Variants in STAG2 observed in about 807,000 individuals in gnomAD.
STAG2 encodes the protein cohesin subunit SA-2.
In STAG2, 14 loss-of-function variants were observed where a neutral mutation model predicts 108.1. The observed-to-expected ratio is 0.13, with a 90% CI of 0.09 to 0.20. STAG2 has a LOEUF of 0.20. STAG2 is among the 10% of genes least tolerant of loss of function. The pLI is 1.00. For synonymous variants in STAG2, 307 were observed against 302.7 expected (o/e 1.01, Z -0.15); for missense variants, 440 against 940.9 (o/e 0.47, Z 6.96).
intron 1 of STAG2, among the ~76,000 whole-genome samples, chrX:123,970,834 T>C (rs924689235): frequency 2.7e-5 from 3 of 111,997 alleles, no homozygotes; most frequent in African/African-American, 9.7e-5. Flanking sequence ...ATGCTTTGTG[T>C]GTATTAGCTT....
chrX:124,086,075 C>G (rs1040184638), intron 29 of STAG2, among the ~76,000 whole-genome samples: 3 of 110,524 alleles, frequency 2.7e-5, no homozygotes, highest in African/African-American at 9.9e-5. Flanking sequence ...TTCTTAATTT[C>G]AATTATCCTT....
At chrX:123,999,935 T>A (rs80201163) in intron 1 of STAG2, among the ~76,000 whole-genome samples, 20,992 of 106,631 alleles carry the variant, frequency 0.2, 2,095 homozygotes, top group Non-Finnish European at 0.28. Context: ...TTTTTTTTAT[T>A]TTTTGTAGCG....
rs187227226 is a variant in STAG2, at chrX:123,981,019, T to C, written c.-163+19163T>C. Among the ~76,000 whole-genome samples the C allele has an allele frequency of 3.6e-5, 4 of 111,811 alleles. No individual in the cohort carries two copies. In the East Asian group the frequency reaches 8.3e-4, roughly 23 times the overall value. ...GAAATAATGCTGGAGATGAGTATCT[T>C]ATAAAAATCACTTCATTTTTCTGCT... On this transcript the variant is annotated intron_variant, in intron 1 of 34. Coordinates refer to ENST00000371145, the MANE Select transcript of STAG2 (RefSeq NM_001042750.2).
intron 16 of STAG2, 92 bp downstream of exon 16, chrX:124,061,433 A>T: frequency 1.5e-6 from 1 of 648,299 alleles, no homozygotes; most frequent in South Asian, 3.0e-5. Flanking sequence ...GTTTTAAGAC[A>T]ATTTGATAGA....
intron 1 of STAG2, among the ~76,000 whole-genome samples, chrX:123,966,845 A>G (rs1261018064): frequency 1.8e-5 from 2 of 112,005 alleles, no homozygotes; most frequent in Non-Finnish European, 3.8e-5. Flanking sequence ...GTAGACACCA[A>G]GAAGTCTTTA....
At chrX:124,088,112 A>G (rs1170006877) in intron 30 of STAG2, among the ~76,000 whole-genome samples, 2 of 111,769 alleles carry the variant, frequency 1.8e-5, no homozygotes, top group Non-Finnish European at 3.8e-5. Context: ...TAAATTTTTG[A>G]AAGTTTTTAT....
chrX:124,024,994 A>G (rs913943501), intron 3 of STAG2, among the ~76,000 whole-genome samples: 1 of 111,886 alleles, frequency 8.9e-6, no homozygotes, highest in Admixed American at 9.5e-5. Flanking sequence ...AAAGCATCAC[A>G]CATATTTATT....
rs907474703 is a variant in STAG2, at chrX:124,061,812, C to G, written c.1576C>G (p.Leu526Val). 8 of 1,077,908 alleles carry G rather than the reference C, an allele frequency of 7.4e-6. No individual in the cohort carries two copies. Among genetic ancestry groups the G allele is most frequent in the South Asian group, 5.7e-5 (3 of 52,418 alleles). The allele number at this position is 1,077,908 out of a possible 1,213,427, so 88.8% of individuals were successfully genotyped here. Residue 526 changes from leucine to valine, a missense_variant, in exon 17 of 35, where the codon CTT becomes GTT. Leu to Val is a conservative substitution (Grantham distance 32). This residue lies in a region of STAG2 where 337 missense variants were observed against 649.3 expected (regional missense o/e 0.52). Coordinates refer to ENST00000371145, the MANE Select transcript of STAG2 (RefSeq NM_001042750.2). ...RQESALIEIM[L>V]CTIRQAAECH... ...AGAGAGTGCTCTGATTGAAATAATG[C>G]TTTGTACCATTAGACAAGCGGCTGA...
intron 3 of STAG2, among the ~76,000 whole-genome samples, chrX:124,023,806 A>T (rs1022647980): frequency 1.8e-5 from 2 of 111,499 alleles, no homozygotes; most frequent in Non-Finnish European, 3.8e-5. Context: ...AATAATGAGG[A>T]CCTGAAATAG....
At chrX:123,972,886 A>G (rs1345233359) in intron 1 of STAG2, among the ~76,000 whole-genome samples, 1 of 99,019 alleles carries the variant, frequency 1.0e-5, no homozygotes, top group Non-Finnish European at 2.0e-5. Flanking sequence ...AAAAAAAAAA[A>G]AAAAAGAACC....
At chrX:124,025,187 T>A (rs190349904) in intron 3 of STAG2, among the ~76,000 whole-genome samples, 47 of 111,558 alleles carry the variant, frequency 4.2e-4, no homozygotes, top group Admixed American at 1.7e-3. Flanking sequence ...ATTGAGATTG[T>A]CACTTGTATA....
chrX:124,012,900 T>C (rs2056567682), intron 1 of STAG2, among the ~76,000 whole-genome samples: 1 of 111,699 alleles, frequency 9.0e-6, no homozygotes, highest in African/African-American at 3.3e-5. Context: ...CTACCTTGAG[T>C]AAATAAATGT....
rs1258487477 is a variant in STAG2 at position 124,006,261 on chromosome X, CA to C, written c.-162-15105del. On this transcript the variant is annotated intron_variant, in intron 1 of 34. Coordinates refer to ENST00000371145, the MANE Select transcript of STAG2 (RefSeq NM_001042750.2). ...ATGTTTTTACGTAGACATAGGTTTT[CA>C]TTTCTCTGGGATAAATGCTCAGGTG... Among the ~76,000 whole-genome samples the C allele has an allele frequency of 2.7e-5, 3 of 110,711 alleles. No individual in the cohort carries two copies. The East Asian group carries it at 8.5e-4, about 31-fold the overall frequency.
chrX:124,075,942 G>A (rs2058791685), intron 25 of STAG2, among the ~76,000 whole-genome samples: 1 of 111,471 alleles, frequency 9.0e-6, no homozygotes. Context: ...AGGTAAGGTG[G>A]GATCATCCTT....
At chrX:123,999,616 T>C (rs887163318) in intron 1 of STAG2, among the ~76,000 whole-genome samples, 7 of 110,658 alleles carry the variant, frequency 6.3e-5, no homozygotes, top group African/African-American at 2.0e-4. Flanking sequence ...GCCTAATTTT[T>C]TTGTTTGTTT....
At chrX:124,039,472 G>A (rs903946016) in intron 6 of STAG2, among the ~76,000 whole-genome samples, 1 of 109,718 alleles carries the variant, frequency 9.1e-6, no homozygotes, top group Non-Finnish European at 1.9e-5. Flanking sequence ...CGTAGAGACA[G>A]ATCTGGCTGT....
chrX:124,037,720 C>G, intron 6 of STAG2, 97 bp downstream of exon 6: 1 of 384,239 alleles, frequency 2.6e-6, no homozygotes, highest in Admixed American at 4.3e-5. Flanking sequence ...GTAAATAACG[C>G]TAAGGCATTA....
At chrX:123,979,907 A>G (rs199433) in intron 1 of STAG2, among the ~76,000 whole-genome samples, 6,261 of 111,704 alleles carry the variant, frequency 0.056, 453 homozygotes, top group African/African-American at 0.19. Flanking sequence ...CATAGCATAC[A>G]TATGTACATT....
chrX:124,050,165 G>A (rs762923917), intron 10 of STAG2, 21 bp from the exon 11 acceptor site: 7 of 1,201,902 alleles, frequency 5.8e-6, no homozygotes, highest in Admixed American at 2.2e-5. Context: ...ATTATGCATC[G>A]TTTTTCCTTC....
Sources: gnomAD v4.1 joint callset for allele counts (sites outside exome capture counted in the v4.1 genomes callset) on GRCh38, gnomAD v4.1.1 for gene constraint, gnomAD v4.1.1 regional missense constraint, MANE v1.5 for transcripts, NCBI Gene and HGNC (gene_info 2026-07-23, HGNC 2026-07-21) for gene names.